Variants in PLXNA4 observed in about 807,000 individuals in gnomAD.
The protein encoded by PLXNA4 is plexin-A4.
A neutral mutation model predicts 191.8 loss-of-function variants in PLXNA4; 44 were observed. The ratio of observed to expected loss-of-function variants is 0.23; its 90% CI spans 0.18 to 0.29. PLXNA4 has a LOEUF of 0.29. PLXNA4 is among the 10% of genes least tolerant of loss of function. The pLI is 1.00. For synonymous variants in PLXNA4, 1,082 were observed against 1,009.5 expected (o/e 1.07, Z -1.36); for missense variants, 1,800 against 2,488.8 (o/e 0.72, Z 5.89).
In PLXNA4 at chr7:132,127,596, G is replaced by GATA. The variant is rs1794804697; in HGVS notation, c.*2880_*2882dup. On this transcript the variant is annotated 3_prime_UTR_variant, in exon 32 of 32. Transcript: ENST00000321063. ...AAGAAATGGAAAACAAACAGCAGAAGATAATTTTTATAAGCAAGATGGGCT... is the reference window on the plus strand; with the variant it reads ...AAGAAATGGAAAACAAACAGCAGAAGATAATAATTTTTATAAGCAAGATGGGCT... The GATA allele has an allele frequency of 6.6e-6, 1 of 152,204 alleles. No individual in the cohort carries two copies. Among genetic ancestry groups the GATA allele is most frequent in the East Asian group, 1.9e-4 (1 of 5,196 alleles). 9.4% of individuals were successfully genotyped at this position (152,204 alleles called of 1,614,324 possible). A position where few individuals can be genotyped will look rare whatever the true frequency, so the allele number is the denominator to read the frequency against.
At chr7:132,144,112 G>T (rs1412294072) in intron 29 of PLXNA4, among the ~76,000 whole-genome samples, 1 of 152,282 alleles carries the variant, frequency 6.6e-6, no homozygotes, top group East Asian at 1.9e-4. Flanking sequence ...AGCAGTTGTT[G>T]GTGCGGGCAA....
chr7:132,586,915 G>A (rs953525902), intron 2 of PLXNA4, among the ~76,000 whole-genome samples: 4 of 152,236 alleles, frequency 2.6e-5, no homozygotes, highest in African/African-American at 4.8e-5. Context: ...GGGTGACAGA[G>A]TGAGACCTTG....
rs1450597449 is a variant in PLXNA4, at chr7:132,128,363, C to T, written c.*2116G>A. Reference sequence around the variant, plus strand: ...TGCTCATGTCTTTTCCACCATCTGTCCTCTGCGATGTCACATGATGCCCTG... The same window carrying T: ...TGCTCATGTCTTTTCCACCATCTGTTCTCTGCGATGTCACATGATGCCCTG... On this transcript the variant is annotated 3_prime_UTR_variant, in exon 32 of 32. Coordinates refer to ENST00000321063, the MANE Select transcript of PLXNA4 (RefSeq NM_020911.2). 6.6e-6 allele frequency: 1 copy of T among 152,216 alleles called. No homozygotes were observed. The highest frequency in any genetic ancestry group is 1.5e-5 in the Non-Finnish European group (1 of 68,046). 9.4% of individuals were successfully genotyped at this position (152,216 alleles called of 1,614,324 possible).
rs779361273 is a variant in PLXNA4, at chr7:132,194,183, C to T, written c.2739-4G>A. On this transcript the variant is annotated splice_polypyrimidine_tract_variant and splice_region_variant and intron_variant, in intron 13 of 31. Transcript: ENST00000321063. ...CTCCCCCATCTCACACACGATCCTG[C>T]AGGGAGGATAGGAGAAATCCCATGG... 1 of 1,611,738 alleles carries T rather than the reference C, an allele frequency of 6.2e-7. No homozygotes were observed. The highest frequency in any genetic ancestry group is 1.7e-5 in the Admixed American group (1 of 59,930).
chr7:132,372,165 C>A (rs1173103499), intron 3 of PLXNA4, among the ~76,000 whole-genome samples: 1 of 152,206 alleles, frequency 6.6e-6, no homozygotes, highest in African/African-American at 2.4e-5. Flanking sequence ...TCATGTGGCA[C>A]TACATTAGGG....
chr7:132,147,822 C>T (rs1795480493), intron 27 of PLXNA4, 78 bp downstream of exon 27: 2 of 1,592,204 alleles, frequency 1.3e-6, no homozygotes, highest in East Asian at 4.5e-5. Flanking sequence ...GAGTCTCCTG[C>T]CTTCTGGCTA....
intron 3 of PLXNA4, among the ~76,000 whole-genome samples, chr7:132,302,413 A>C (rs1458147410): frequency 6.6e-6 from 1 of 152,166 alleles, no homozygotes; most frequent in Non-Finnish European, 1.5e-5. Flanking sequence ...GCAATCCCCA[A>C]TACATGGTTG....
chr7:132,454,779 A>T (rs900549272), intron 3 of PLXNA4, among the ~76,000 whole-genome samples: 2 of 152,034 alleles, frequency 1.3e-5, no homozygotes, highest in Non-Finnish European at 2.9e-5. Flanking sequence ...GAAGACAGCC[A>T]AAGAGAGAAG....
intron 9 of PLXNA4, among the ~76,000 whole-genome samples, chr7:132,214,817 TTTCAGAGTCTTG>T (rs1368804733): frequency 2.6e-5 from 4 of 152,152 alleles, no homozygotes; most frequent in Non-Finnish European, 5.9e-5. Flanking sequence ...CCTCGGCTAG[TTTCAGAGTCTTG>T]AACAAGTGCT....
chr7:132,175,556 A>G (rs751715005), intron 20 of PLXNA4, among the ~76,000 whole-genome samples: 6 of 152,192 alleles, frequency 3.9e-5, no homozygotes, highest in Non-Finnish European at 8.8e-5. Context: ...CTTGATGGTG[A>G]ATTATGACCT....
intron 2 of PLXNA4, among the ~76,000 whole-genome samples, chr7:132,501,003 G>A (rs1352483262): frequency 6.6e-6 from 1 of 152,224 alleles, no homozygotes; most frequent in Non-Finnish European, 1.5e-5. Context: ...CAGAAGTCCA[G>A]ATCTGGATTG....
chr7:132,380,367 G>T (rs1392723644), intron 3 of PLXNA4, among the ~76,000 whole-genome samples: 2 of 152,152 alleles, frequency 1.3e-5, no homozygotes, highest in Non-Finnish European at 2.9e-5. Context: ...TTCCTCCACT[G>T]CAATACTGTG....
At chr7:132,551,392 T>C (rs1035242814) in intron 1 of PLXNA4, among the ~76,000 whole-genome samples, 1 of 152,180 alleles carries the variant, frequency 6.6e-6, no homozygotes, top group Non-Finnish European at 1.5e-5. Context: ...TGGTGGTTTG[T>C]TACAGAATTA....
rs71178032 is a variant in PLXNA4 at position 132,252,299 on chromosome 7, G to GTT, written c.1504-11135_1504-11134dup. On this transcript the variant is annotated intron_variant, in intron 4 of 31. Coordinates refer to ENST00000321063, the MANE Select transcript of PLXNA4 (RefSeq NM_020911.2). ...TTGTTAAAATGACAGCATTCTAAAA[G>GTT]TTTTTTTTTTTTTTTTTTTTTTTTT... Among the ~76,000 whole-genome samples the GTT allele has an allele frequency of 5.0e-3, 374 of 75,334 alleles. 37 individuals are homozygous for GTT. Among genetic ancestry groups the GTT allele is most frequent in the African/African-American group, 0.016 (322 of 20,680 alleles). The allele number at this position is 75,334 out of a possible 152,430, so 49.4% of individuals were successfully genotyped here. A position where few individuals can be genotyped will look rare whatever the true frequency, so the allele number is the denominator to read the frequency against.
At chr7:132,355,007 G>A (rs1220974958) in intron 3 of PLXNA4, among the ~76,000 whole-genome samples, 3 of 152,202 alleles carry the variant, frequency 2.0e-5, no homozygotes, top group African/African-American at 7.2e-5. Context: ...TCCACGATGG[G>A]AGGTCTTGGT....
chr7:132,288,551 C>T (rs963788875), intron 4 of PLXNA4, among the ~76,000 whole-genome samples: 1 of 152,190 alleles, frequency 6.6e-6, no homozygotes, highest in African/African-American at 2.4e-5. Flanking sequence ...ACTCATTCCT[C>T]AGCCCTGTGC....
chr7:132,572,910 C>T (rs1462397813), intron 1 of PLXNA4, among the ~76,000 whole-genome samples: 1 of 152,176 alleles, frequency 6.6e-6, no homozygotes, highest in Non-Finnish European at 1.5e-5. Flanking sequence ...CCCAAACAGC[C>T]ATTTATTAGT....
At chr7:132,525,967 C>G (rs970897828) in intron 1 of PLXNA4, among the ~76,000 whole-genome samples, 83 of 152,164 alleles carry the variant, frequency 5.5e-4, no homozygotes, top group Non-Finnish European at 9.0e-4. Context: ...TGCTTAAACC[C>G]TATTATGACC....
chr7:132,452,170 A>G (rs531821606), intron 3 of PLXNA4, among the ~76,000 whole-genome samples: 1 of 152,350 alleles, frequency 6.6e-6, no homozygotes, highest in South Asian at 2.1e-4. Context: ...TTTGGCCAGG[A>G]GGATAATTCC....
Sources: gnomAD v4.1 joint callset for allele counts (sites outside exome capture counted in the v4.1 genomes callset) on GRCh38, gnomAD v4.1.1 for gene constraint, MANE v1.5 for transcripts, NCBI Gene and HGNC (gene_info 2026-07-23, HGNC 2026-07-21) for gene names.